Variants in MAEL observed in about 807,000 individuals in gnomAD.
The protein encoded by MAEL is maelstrom spermatogenic transposon silencer.
Under a neutral mutation model 62.0 loss-of-function variants are expected in MAEL, and 46 were observed. The ratio of observed to expected loss-of-function variants is 0.74; its 90% confidence interval spans 0.59 to 0.95. The LOEUF (loss-of-function observed/expected upper bound fraction) is 0.95, where lower values mean the gene tolerates loss of function less well. Ranked by LOEUF, MAEL falls within the 40% of genes least tolerant of loss-of-function variation. The probability of loss-of-function intolerance (pLI) is 0.00; values close to 1 mark genes in which losing one functional copy is unlikely to be tolerated. For missense variants in MAEL, 497 were observed against 526.8 expected (o/e 0.94, Z 0.55); for synonymous variants, 172 against 175.5 (o/e 0.98, Z 0.16).
chr1:167,017,999 TG>T (rs1397394391), intron 10 of MAEL, 40 bp downstream of exon 10: 2 of 1,593,226 alleles, frequency 1.3e-6, no homozygotes, highest in African/African-American at 2.7e-5. Context: ...TCTCTTTAGC[TG>T]TTCTACTCAA....
At chr1:167,018,969 G>A (rs1356503855) in intron 10 of MAEL, among the ~76,000 whole-genome samples, 1 of 152,060 alleles carries the variant, frequency 6.6e-6, no homozygotes, top group African/African-American at 2.4e-5. Flanking sequence ...TCATAGATGT[G>A]TACACCAAAA....
intron 10 of MAEL, among the ~76,000 whole-genome samples, chr1:167,018,405 G>A (rs963419489): frequency 5.3e-5 from 8 of 151,892 alleles, no homozygotes; most frequent in Middle Eastern, 3.2e-3. Flanking sequence ...TAAGTGCATA[G>A]CAGTTAAGAG....
In MAEL at chr1:167,014,897, C is replaced by G. The variant is rs540917889; in HGVS notation, c.846-1325C>G. On this transcript the variant is annotated intron_variant, in intron 8 of 11. Transcript: ENST00000367872. ...AATTAGCCAGGCATGATGGCACATG[C>G]TTGTAATCCCAGCTACTCAAGAGGC... Among the ~76,000 whole-genome samples, 8 of 152,264 alleles carry G rather than the reference C, an allele frequency of 5.3e-5. No individual in the cohort carries two copies. In the East Asian group the frequency reaches 1.2e-3, roughly 22 times the overall value.
chr1:167,016,367 A>G (rs1388436496), intron 9 of MAEL, 83 bp downstream of exon 9: 1 of 1,299,104 alleles, frequency 7.7e-7, no homozygotes, highest in Non-Finnish European at 1.1e-6. Context: ...TAGCTTTGGC[A>G]ATCGGGGTAA....
At chr1:167,014,721 G>GA (rs1300313775) in intron 8 of MAEL, among the ~76,000 whole-genome samples, 1 of 152,138 alleles carries the variant, frequency 6.6e-6, no homozygotes, top group Non-Finnish European at 1.5e-5. Flanking sequence ...CCTGAATAGT[G>GA]ACTCAGAGAA....
chr1:166,976,820 T>C (rs563710601), intron 1 of MAEL, among the ~76,000 whole-genome samples: 2 of 152,266 alleles, frequency 1.3e-5, no homozygotes, highest in Middle Eastern at 3.4e-3. Context: ...ATGGGAAGAA[T>C]AGACCCTGGG....
intron 10 of MAEL, among the ~76,000 whole-genome samples, chr1:167,019,298 A>G (rs911009340): frequency 4.6e-5 from 7 of 152,174 alleles, no homozygotes; most frequent in African/African-American, 1.4e-4. Flanking sequence ...GAGAAACCCT[A>G]CCTTAGCTTC....
chr1:167,002,600 A>G (rs12405258), intron 5 of MAEL, among the ~76,000 whole-genome samples: 9,969 of 152,226 alleles, frequency 0.065, 634 homozygotes, highest in Admixed American at 0.2. Flanking sequence ...AGATTACCCT[A>G]ATGCATTTTC....
At chr1:167,005,598 T>G in intron 8 of MAEL, 2 of 439,140 alleles carry the variant, frequency 4.6e-6, no homozygotes, top group South Asian at 9.9e-5. Flanking sequence ...CCAAATAAAC[T>G]GTTCTTTCTT....
chr1:167,009,755 C>T (rs1205069841), intron 8 of MAEL, among the ~76,000 whole-genome samples: 1 of 151,864 alleles, frequency 6.6e-6, no homozygotes, highest in East Asian at 1.9e-4. Context: ...ATAGTTTCTG[C>T]TTTCTTCAGT....
chr1:166,992,319 A>T (rs866904359), intron 3 of MAEL, among the ~76,000 whole-genome samples: 3 of 152,178 alleles, frequency 2.0e-5, no homozygotes, highest in Admixed American at 6.5e-5. Context: ...ATCTTTCTAC[A>T]TTGATTCTGC....
upstream of MAEL, among the ~76,000 whole-genome samples, chr1:166,984,154 T>C (rs2102060116): frequency 6.6e-6 from 1 of 152,238 alleles, no homozygotes; most frequent in Non-Finnish European, 1.5e-5. Flanking sequence ...TGCCCATGGG[T>C]TACTCAAGCC....
upstream of MAEL, among the ~76,000 whole-genome samples, chr1:166,988,034 G>C (rs1367572712): frequency 6.6e-6 from 1 of 152,150 alleles, no homozygotes; most frequent in Non-Finnish European, 1.5e-5. Flanking sequence ...TGCATCGTTA[G>C]AAAACTAGCA....
intron 9 of MAEL, among the ~76,000 whole-genome samples, chr1:167,017,520 A>T (rs544451434): frequency 2.0e-5 from 3 of 152,194 alleles, no homozygotes; most frequent in Non-Finnish European, 4.4e-5. Flanking sequence ...TTGTAGTGTT[A>T]TTTCTGCCGC....
intron 11 of MAEL, 83 bp downstream of exon 11, chr1:167,021,243 TGA>T: frequency 1.1e-6 from 1 of 951,656 alleles, no homozygotes; most frequent in Non-Finnish European, 1.7e-6. Context: ...ATTTAAACAG[TGA>T]TATCTAAATT....
chr1:167,005,170 T>C, intron 7 of MAEL, 40 bp downstream of exon 7: 3 of 1,611,780 alleles, frequency 1.9e-6, no homozygotes, highest in Non-Finnish European at 2.5e-6. Context: ...TGCTTTATAG[T>C]TAATATCTGT....
At chr1:166,997,501 A>G (rs1218302932) in intron 5 of MAEL, among the ~76,000 whole-genome samples, 4 of 151,918 alleles carry the variant, frequency 2.6e-5, no homozygotes, top group African/African-American at 9.7e-5. Context: ...TACTCTCTTT[A>G]TGGTGTCTTT....
At chr1:166,994,599 T>C (rs1297377260) in intron 5 of MAEL, among the ~76,000 whole-genome samples, 1 of 152,134 alleles carries the variant, frequency 6.6e-6, no homozygotes, top group Non-Finnish European at 1.5e-5. Context: ...GGAATAGGTT[T>C]ATTTTTAAAT....
intron 5 of MAEL, among the ~76,000 whole-genome samples, chr1:166,995,230 C>G (rs1317302304): frequency 1.3e-5 from 2 of 151,650 alleles, no homozygotes; most frequent in Non-Finnish European, 2.9e-5. Flanking sequence ...GAGAATTGTT[C>G]TAGTAGTTCC....
Sources: gnomAD v4.1 joint callset for allele counts (sites outside exome capture counted in the v4.1 genomes callset) on GRCh38, gnomAD v4.1.1 for gene constraint, MANE v1.5 for transcripts, NCBI Gene and HGNC (gene_info 2026-07-23, HGNC 2026-07-21) for gene names.